Variants in FAM81A observed in about 807,000 individuals in gnomAD.
The protein encoded by FAM81A is family with sequence similarity 81 member A, also known as protein FAM81A.
In FAM81A, 19 loss-of-function variants were observed where a neutral mutation model predicts 46.7. That is an observed-to-expected ratio of 0.41 (90% CI 0.28 to 0.60). The LOEUF is 0.60. Among genes scored for constraint, FAM81A ranks in the 20% least tolerant of loss-of-function variants. The pLI, the probability that FAM81A is intolerant of heterozygous loss-of-function variation, is 0.34. For synonymous variants in FAM81A, 183 were observed against 152.9 expected (o/e 1.20, Z -1.45); for missense variants, 377 against 453.5 (o/e 0.83, Z 1.53).
intron 1 of FAM81A, chr15:59,438,542 G>A (rs1596470509): frequency 6.6e-6 from 1 of 152,472 alleles, no homozygotes; most frequent in African/African-American, 2.4e-5. Flanking sequence ...GACGCCCGGA[G>A]GGACTGTTTG....
At chr15:59,507,105 A>G in intron 4 of FAM81A, 108 bp from the exon 5 acceptor site, 2 of 1,344,938 alleles carry the variant, frequency 1.5e-6, no homozygotes, top group Non-Finnish European at 2.0e-6. Flanking sequence ...AGAATGATGG[A>G]TAGTGCACTT....
chr15:59,501,651 G>C (rs1309083101), intron 4 of FAM81A, among the ~76,000 whole-genome samples: 3 of 152,190 alleles, frequency 2.0e-5, no homozygotes, highest in African/African-American at 7.2e-5. Flanking sequence ...GGACTCTCTA[G>C]ATGGACTTCT....
chr15:59,406,319 G>C (rs776922674), intron 2 of FAM81A, among the ~76,000 whole-genome samples: 4 of 152,176 alleles, frequency 2.6e-5, no homozygotes, highest in Non-Finnish European at 5.9e-5. Flanking sequence ...TATGAGATAC[G>C]CACTATCATC....
At position 59,492,354 on chromosome 15, in the gene FAM81A, C is replaced by G. The variant is rs896016836; in HGVS notation, c.378C>G (p.Leu126=). The G allele has an allele frequency of 9.3e-6, 15 of 1,613,782 alleles. No individual in the cohort carries two copies. The highest frequency in any genetic ancestry group is 1.2e-5 in the Non-Finnish European group (14 of 1,179,828). ...TAAAGACCCTGGAGATGCGCCAGCT[C>G]TCCGGTTTGGGAGATCTTCGAGGAA... The part of the protein sequence containing the change: ...SALKTLEMRQ[L]SGLGDLRGRV... Residue 126 remains leucine, a synonymous_variant, in exon 4 of 9, where the codon CTC becomes CTG. Transcript: ENST00000288228.
intron 3 of FAM81A, among the ~76,000 whole-genome samples, chr15:59,487,458 C>T (rs917277379): frequency 2.7e-5 from 4 of 150,582 alleles, no homozygotes; most frequent in African/African-American, 9.7e-5. Context: ...TTAAAAAAAT[C>T]AATGAAACAA....
chr15:59,456,051 TA>T (rs2081479670), intron 1 of FAM81A, among the ~76,000 whole-genome samples: 1 of 152,144 alleles, frequency 6.6e-6, no homozygotes, highest in African/African-American at 2.4e-5. Flanking sequence ...GGAGCTAGAC[TA>T]TTAAACAACT....
chr15:59,491,898 A>G (rs912607939), intron 3 of FAM81A, among the ~76,000 whole-genome samples: 17 of 152,132 alleles, frequency 1.1e-4, no homozygotes, highest in African/African-American at 4.1e-4. Context: ...CCTGGGAGGC[A>G]GAAGTTGCAG....
intron 3 of FAM81A, among the ~76,000 whole-genome samples, chr15:59,468,996 C>T (rs1025969511): frequency 8.5e-5 from 13 of 152,282 alleles, no homozygotes; most frequent in Admixed American, 6.5e-4. Context: ...GCAAGTTGTT[C>T]AGTTTACATG....
At chr15:59,407,847 C>A in intron 2 of FAM81A, 1 of 232,118 alleles carries the variant, frequency 4.3e-6, no homozygotes, top group Admixed American at 5.6e-5. Flanking sequence ...CTGGTCTGTA[C>A]TAGTGGGCCA....
At chr15:59,421,729 G>GTCTGTCTATCTATCTA (rs199854304) in intron 2 of FAM81A, among the ~76,000 whole-genome samples, 15 of 128,976 alleles carry the variant, frequency 1.2e-4, no homozygotes, top group East Asian at 2.2e-4. Flanking sequence ...CTGTCTGTCT[G>GTCTGTCTATCTATCTA]TCTATCTATC....
intron 6 of FAM81A, among the ~76,000 whole-genome samples, chr15:59,512,080 T>C (rs2082216262): frequency 6.6e-6 from 1 of 152,226 alleles, no homozygotes; most frequent in Non-Finnish European, 1.5e-5. Flanking sequence ...ATGAATTCAC[T>C]ACAGCTATAC....
At chr15:59,514,553 C>A in intron 7 of FAM81A, 129 bp downstream of exon 7, 3 of 1,171,048 alleles carry the variant, frequency 2.6e-6, no homozygotes, top group South Asian at 1.8e-5. Flanking sequence ...AAATCCATTT[C>A]CATAGTTCCA....
At chr15:59,403,642 G>T (rs1344117751) in intron 2 of FAM81A, among the ~76,000 whole-genome samples, 1 of 152,090 alleles carries the variant, frequency 6.6e-6, no homozygotes, top group Non-Finnish European at 1.5e-5. Flanking sequence ...GTTATCTCTG[G>T]CTAGAAAGCC....
chr15:59,402,038 G>C, intron 1 of FAM81A: 1 of 568,568 alleles, frequency 1.8e-6, no homozygotes, highest in Non-Finnish European at 3.2e-6. Flanking sequence ...AGCAGCCCCT[G>C]GGGTGCGAAA....
intron 1 of FAM81A, chr15:59,438,711 G>C (rs2081264273): frequency 6.6e-6 from 1 of 152,248 alleles, no homozygotes; most frequent in African/African-American, 2.4e-5. Flanking sequence ...TGCAGTTCCA[G>C]AATGCTGTTG....
At chr15:59,471,467 T>C (rs2081688642) in intron 3 of FAM81A, among the ~76,000 whole-genome samples, 1 of 152,088 alleles carries the variant, frequency 6.6e-6, no homozygotes, top group Non-Finnish European at 1.5e-5. Flanking sequence ...GCATAATTCA[T>C]GTTCTTTTTT....
intron 1 of FAM81A, among the ~76,000 whole-genome samples, chr15:59,449,467 G>T (rs2081389109): frequency 6.6e-6 from 1 of 152,024 alleles, no homozygotes; most frequent in Non-Finnish European, 1.5e-5. Context: ...ATATTATTTG[G>T]CATGTTTTAA....
At chr15:59,417,696 C>G (rs543090301) in intron 2 of FAM81A, among the ~76,000 whole-genome samples, 2 of 152,104 alleles carry the variant, frequency 1.3e-5, no homozygotes, top group African/African-American at 4.8e-5. Flanking sequence ...GCCTGGGCAA[C>G]AGAGTGAGAC....
intron 3 of FAM81A, among the ~76,000 whole-genome samples, chr15:59,471,683 CT>C (rs1270005803): frequency 6.6e-6 from 1 of 150,762 alleles, no homozygotes; most frequent in African/African-American, 2.4e-5. Context: ...TGCCCAGCCT[CT>C]GCCTCTGCCT....
Sources: gnomAD v4.1 joint callset for allele counts (sites outside exome capture counted in the v4.1 genomes callset) on GRCh38, gnomAD v4.1.1 for gene constraint, MANE v1.5 for transcripts, NCBI Gene and HGNC (gene_info 2026-07-23, HGNC 2026-07-21) for gene names.